The following SYNJ2 variants were observed in gnomAD, a reference collection of about 807,000 sequenced individuals.
The protein encoded by SYNJ2 is synaptojanin 2, also known as polyphosphatidylinositol phosphatase SYNJ2.
A neutral mutation model predicts 141.3 loss-of-function variants in SYNJ2; 116 were observed. That is an observed-to-expected ratio of 0.82 (90% CI 0.71 to 0.96). The LOEUF (loss-of-function observed/expected upper bound fraction) is 0.96, where lower values mean the gene tolerates loss of function less well. Ranked by LOEUF, SYNJ2 falls within the 40% of genes least tolerant of loss-of-function variation. The probability of loss-of-function intolerance (pLI) is 0.00; values close to 1 mark genes in which losing one functional copy is unlikely to be tolerated. For missense variants in SYNJ2, 1,873 were observed against 1,934.8 expected, an observed-to-expected ratio of 0.97 and a Z score of 0.60; for synonymous variants, 745 against 777.7, an observed-to-expected ratio of 0.96 and a Z score of 0.70.
At chr6:158,055,086 C>T in intron 6 of SYNJ2, 58 bp downstream of exon 6, 1 of 1,585,226 alleles carries the variant, frequency 6.3e-7, no homozygotes, top group Non-Finnish European at 8.6e-7. Context: ...CATCGTCCTC[C>T]CATCAGACAC....
At chr6:158,088,849 A>G (rs1299359413) in intron 24 of SYNJ2, 77 bp downstream of exon 24, 1 of 1,031,090 alleles carries the variant, frequency 9.7e-7, no homozygotes, top group Non-Finnish European at 1.5e-6. Flanking sequence ...CTCAGTGAAT[A>G]TATAGATTTA....
intron 1 of SYNJ2, among the ~76,000 whole-genome samples, chr6:158,007,903 C>T (rs897180066): frequency 6.6e-6 from 1 of 152,184 alleles, no homozygotes; most frequent in Non-Finnish European, 1.5e-5. Context: ...ATCCTCCTGT[C>T]TCAGCCTCCC....
intron 5 of SYNJ2, among the ~76,000 whole-genome samples, chr6:158,044,488 T>C (rs1562352612): frequency 6.6e-6 from 1 of 152,064 alleles, no homozygotes; most frequent in Non-Finnish European, 1.5e-5. Flanking sequence ...GTCTTTCCAC[T>C]AGAAAGAGCG....
At position 158,086,906 on chromosome 6, in the gene SYNJ2, T is replaced by C. The variant is rs1264759144; in HGVS notation, c.3260T>C (p.Phe1087Ser). The C allele has an allele frequency of 1.2e-6, 2 of 1,609,862 alleles. No individual in the cohort carries two copies. The highest frequency in any genetic ancestry group is 2.7e-5 in the African/African-American group (2 of 74,908). The change falls in exon 23 of 27, where the codon TTC becomes TCC. Residue 1087 changes from phenylalanine to serine, a missense_variant. Phe to Ser is a radical substitution (Grantham distance 155). Transcript: ENST00000355585. Reference protein sequence around the residue: ...LKRELEAVGEFRHRSPSRSLS... With the variant: ...LKRELEAVGESRHRSPSRSLS... ...CGGGAGCTGGAAGCCGTCGGGGAGT[T>C]CCGCCACCGTTCTCCGAGCAGGTCT... is the stretch of plus-strand genomic sequence containing the variant.
intron 4 of SYNJ2, among the ~76,000 whole-genome samples, chr6:158,037,829 C>T (rs1779722635): frequency 6.6e-6 from 1 of 152,254 alleles, no homozygotes. Flanking sequence ...GCCGCGGATG[C>T]TGGCTCCTGT....
At chr6:158,067,733 T>A in intron 12 of SYNJ2, 1 of 985,212 alleles carries the variant, frequency 1.0e-6, no homozygotes, top group Non-Finnish European at 1.2e-6. Context: ...GCACACGCCA[T>A]CTGTGCCCTC....
rs1005796642 is a variant in SYNJ2 at position 157,982,140 on chromosome 6, G to T, written c.127+52G>T. ...CCCGGAGGAGAGGGCGCCCGCATTC[G>T]CCCAGCCTCGGGAAGACGGGTACCC... On this transcript the variant is annotated intron_variant, in intron 1 of 26. Transcript: ENST00000355585. This position sits in a 1 kb window ranked among gnomAD's most constrained non-coding sequence, Gnocchi z 4.0. 7.8e-7 allele frequency: 1 copy of T among 1,284,424 alleles called. No homozygotes were observed. Among genetic ancestry groups the T allele is most frequent in the Non-Finnish European group, 9.9e-7 (1 of 1,014,824 alleles). The allele number at this position is 1,284,424 out of a possible 1,614,324, so 79.6% of individuals were successfully genotyped here.
chr6:158,001,157 GC>G (rs1286866545), intron 1 of SYNJ2: 1 of 152,366 alleles, frequency 6.6e-6, no homozygotes, highest in African/African-American at 2.4e-5. Context: ...CACCCTGCAT[GC>G]ACTTGTGTTG....
intron 4 of SYNJ2, among the ~76,000 whole-genome samples, chr6:158,039,738 T>A (rs1779836835): frequency 6.6e-6 from 1 of 152,118 alleles, no homozygotes; most frequent in African/African-American, 2.4e-5. Flanking sequence ...TGGCAGGCTC[T>A]GCATCTCGGT....
At chr6:157,991,658 G>A (rs1378183968) in intron 1 of SYNJ2, among the ~76,000 whole-genome samples, 1 of 152,136 alleles carries the variant, frequency 6.6e-6, no homozygotes, top group East Asian at 1.9e-4. Context: ...TGTCACCATC[G>A]CTACTTCACA....
chr6:158,081,637 T>TTTTTTTTTTTTC lies in SYNJ2; in HGVS notation c.2865+127_2865+128insTTTTTTTTTTTC, dbSNP rs1562396303. The TTTTTTTTTTTTC allele has an allele frequency of 1.4e-5, 2 of 138,830 alleles. 1 individual carries two copies. The allele number at this position is 138,830 out of a possible 1,614,324, so 8.6% of individuals were successfully genotyped here. On this transcript the variant is annotated intron_variant, in intron 20 of 26. Coordinates refer to ENST00000355585, the MANE Select transcript of SYNJ2 (RefSeq NM_003898.4). ...TTTTTTTTTTTTTTTTTTTTTTTTC[T>TTTTTTTTTTTTC]CTGAGACAAAGTCTTGCTCTGTCAT...
At chr6:158,078,020 C>CT in intron 17 of SYNJ2, 144 bp from the exon 18 acceptor site, 1 of 632,328 alleles carries the variant, frequency 1.6e-6, no homozygotes, top group South Asian at 1.9e-5. Context: ...CGAAGCCTGG[C>CT]TTCAAGGTGG....
intron 12 of SYNJ2, chr6:158,067,829 TGTG>T: frequency 1.0e-6 from 1 of 985,008 alleles, no homozygotes; most frequent in Non-Finnish European, 1.2e-6. Flanking sequence ...GGTTGCTGCT[TGTG>T]GTGCCTCCAG....
At chr6:158,039,811 G>A (rs1779842890) in intron 4 of SYNJ2, among the ~76,000 whole-genome samples, 1 of 152,082 alleles carries the variant, frequency 6.6e-6, no homozygotes, top group African/African-American at 2.4e-5. Context: ...CCAGTAGGAA[G>A]GAGGACTGTG....
chr6:158,089,120 A>G (rs1783268366), intron 24 of SYNJ2, among the ~76,000 whole-genome samples: 2 of 152,262 alleles, frequency 1.3e-5, no homozygotes, highest in South Asian at 4.1e-4. Context: ...ATCCTGGGAA[A>G]ATGATGATCA....
intron 1 of SYNJ2, among the ~76,000 whole-genome samples, chr6:157,999,500 G>C (rs993096168): frequency 4.6e-5 from 7 of 152,246 alleles, no homozygotes; most frequent in African/African-American, 9.6e-5. Context: ...GATTGAGCCT[G>C]CCCTCTAGGG....
At chr6:157,993,797 GTTTTTTTTTTTTTTTTTT>G (rs61529071) in intron 1 of SYNJ2, among the ~76,000 whole-genome samples, 4 of 47,966 alleles carry the variant, frequency 8.3e-5, no homozygotes, top group Admixed American at 7.8e-4. Flanking sequence ...AAATGTGTGG[GTTTTTTTTTTTTTTTTTT>G]TTTTTTTTTT....
At chr6:158,066,199 G>T (rs75137031) in intron 11 of SYNJ2, among the ~76,000 whole-genome samples, 3,975 of 152,250 alleles carry the variant, frequency 0.026, 169 homozygotes, top group African/African-American at 0.087. Flanking sequence ...TCAGTTGGGG[G>T]TAGGGGTATA....
chr6:157,994,848 T>C (rs2128317043), intron 1 of SYNJ2, among the ~76,000 whole-genome samples: 1 of 152,286 alleles, frequency 6.6e-6, no homozygotes, highest in Non-Finnish European at 1.5e-5. Flanking sequence ...CATGAGGATG[T>C]TGAAAATATT....
Sources: allele counts gnomAD v4.1 joint callset (sites outside exome capture counted in the v4.1 genomes callset), GRCh38; gene constraint gnomAD v4.1.1; non-coding constraint Gnocchi (gnomAD v3.1); transcripts MANE v1.5; gene names NCBI Gene and HGNC (gene_info 2026-07-23, HGNC 2026-07-21).